The following NCAM2 variants were observed in gnomAD, a reference collection of about 807,000 sequenced individuals.
The protein encoded by NCAM2 is neural cell adhesion molecule 2.
In NCAM2, 30 loss-of-function variants were observed where a neutral mutation model predicts 98.1. The observed-to-expected ratio is 0.31, with a 90% CI of 0.23 to 0.41. NCAM2 has a LOEUF of 0.41. Ranked by LOEUF, NCAM2 falls within the 10% of genes least tolerant of loss-of-function variation. The probability of loss-of-function intolerance (pLI) is 1.00; values close to 1 mark genes in which losing one functional copy is unlikely to be tolerated. For missense variants in NCAM2, 867 were observed against 1,005.8 expected, an observed-to-expected ratio of 0.86 and a Z score of 1.87; for synonymous variants, 368 against 342.4, an observed-to-expected ratio of 1.07 and a Z score of -0.83.
intron 9 of NCAM2, among the ~76,000 whole-genome samples, chr21:21,375,005 G>T (rs232522): frequency 2.0e-5 from 3 of 151,092 alleles, no homozygotes; most frequent in African/African-American, 7.3e-5. Context: ...AAGAAAAAAG[G>T]ACTGTTGTGG....
intron 9 of NCAM2, among the ~76,000 whole-genome samples, chr21:21,376,922 C>T (rs1311218405): frequency 6.6e-6 from 1 of 151,550 alleles, no homozygotes; most frequent in Non-Finnish European, 1.5e-5. Context: ...ATTATTATTG[C>T]CGCCATCTTG....
chr21:21,454,496 G>A (rs1370821970), intron 12 of NCAM2, among the ~76,000 whole-genome samples: 9 of 151,952 alleles, frequency 5.9e-5, no homozygotes, highest in Non-Finnish European at 1.2e-4. Flanking sequence ...ACGAACCTGT[G>A]TCATGCAACT....
At chr21:21,361,688 T>A (rs1380733850) in intron 8 of NCAM2, among the ~76,000 whole-genome samples, 1 of 152,094 alleles carries the variant, frequency 6.6e-6, no homozygotes, top group Non-Finnish European at 1.5e-5. Context: ...CAGTCTTCTA[T>A]GTCCAATGAC....
At chr21:21,450,624 C>T (rs1980893509) in intron 12 of NCAM2, among the ~76,000 whole-genome samples, 1 of 152,024 alleles carries the variant, frequency 6.6e-6, no homozygotes, top group Non-Finnish European at 1.5e-5. Context: ...GCCACTGTGC[C>T]CTGCCTTAGC....
intron 1 of NCAM2, among the ~76,000 whole-genome samples, chr21:21,010,824 G>A (rs1189236333): frequency 1.3e-5 from 2 of 152,036 alleles, no homozygotes; most frequent in African/African-American, 2.4e-5. Flanking sequence ...TTAGAACTCC[G>A]AAACACATTC....
At chr21:21,260,327 T>G (rs987689268) in intron 1 of NCAM2, among the ~76,000 whole-genome samples, 1 of 151,792 alleles carries the variant, frequency 6.6e-6, no homozygotes, top group East Asian at 1.9e-4. Flanking sequence ...GAGATAGATA[T>G]CCAGATACAA....
At chr21:21,410,151 T>A (rs1381727020) in intron 9 of NCAM2, 123 bp from the exon 10 acceptor site, 5 of 568,964 alleles carry the variant, frequency 8.8e-6, no homozygotes, top group South Asian at 5.7e-5. Flanking sequence ...AAAAAAAAAA[T>A]ACACGAAATT....
intron 1 of NCAM2, among the ~76,000 whole-genome samples, chr21:21,278,289 A>G (rs1003553891): frequency 6.6e-6 from 1 of 152,066 alleles, no homozygotes; most frequent in Non-Finnish European, 1.5e-5. Context: ...CAGTAACCCC[A>G]TACATCTCTT....
In NCAM2 at chr21:21,048,716, G is replaced by A. The variant is rs144793497; in HGVS notation, c.55+50098G>A. 4.5e-4 allele frequency among the ~76,000 whole-genome samples: 69 copies of A among 152,294 alleles called. 1 individual carries two copies. Among genetic ancestry groups the A allele is most frequent in the Non-Finnish European group, 8.2e-4 (56 of 68,020 alleles). ...TCCCTAAAATATATACAACCAAGCTGTACTCCAACCACCTGGGGCACATGT... is the reference window on the plus strand; with the variant it reads ...TCCCTAAAATATATACAACCAAGCTATACTCCAACCACCTGGGGCACATGT... On this transcript the variant is annotated intron_variant, in intron 1 of 17. Coordinates refer to ENST00000400546, the MANE Select transcript of NCAM2 (RefSeq NM_004540.5).
intron 4 of NCAM2, among the ~76,000 whole-genome samples, chr21:21,290,323 A>G (rs2073247379): frequency 6.6e-6 from 1 of 151,932 alleles, no homozygotes; most frequent in Non-Finnish European, 1.5e-5. Context: ...TTATTTATTT[A>G]TAATTGCCTC....
intron 10 of NCAM2, among the ~76,000 whole-genome samples, chr21:21,418,067 A>G (rs2077028980): frequency 6.6e-6 from 1 of 151,922 alleles, no homozygotes; most frequent in African/African-American, 2.4e-5. Context: ...TCAAGTTTAC[A>G]CCTACATTGA....
intron 1 of NCAM2, among the ~76,000 whole-genome samples, chr21:21,157,917 C>A (rs1453697769): frequency 6.6e-6 from 1 of 152,102 alleles, no homozygotes; most frequent in African/African-American, 2.4e-5. Flanking sequence ...GCTTCTCATT[C>A]CTCCTAATAC....
chr21:21,132,446 G>GGAAT (rs1414773714), intron 1 of NCAM2, among the ~76,000 whole-genome samples: 1 of 151,150 alleles, frequency 6.6e-6, no homozygotes, highest in African/African-American at 2.4e-5. Flanking sequence ...GATTATAAAG[G>GGAAT]GAATACTTTG....
At chr21:21,289,804 A>G (rs905637570) in intron 4 of NCAM2, among the ~76,000 whole-genome samples, 1 of 151,990 alleles carries the variant, frequency 6.6e-6, no homozygotes, top group Non-Finnish European at 1.5e-5. Flanking sequence ...GATTTAATCA[A>G]TGCAGTGACA....
chr21:21,041,229 T>C (rs902090298), intron 1 of NCAM2, among the ~76,000 whole-genome samples: 2 of 152,154 alleles, frequency 1.3e-5, no homozygotes, highest in Admixed American at 6.5e-5. Context: ...TAAGATCATT[T>C]CTCTGTAAGA....
chr21:21,401,988 G>C (rs2076640657), intron 9 of NCAM2, among the ~76,000 whole-genome samples: 1 of 152,052 alleles, frequency 6.6e-6, no homozygotes, highest in South Asian at 2.1e-4. Flanking sequence ...TCTTAATCCT[G>C]TTATCTTCGT....
chr21:21,509,474 A>G (rs999146020), intron 16 of NCAM2, among the ~76,000 whole-genome samples: 15 of 152,294 alleles, frequency 9.8e-5, no homozygotes, highest in African/African-American at 3.4e-4. Context: ...AATTGTGGCA[A>G]CTTCTACAAA....
rs534611478 is a variant in NCAM2 at position 21,023,754 on chromosome 21, A to G, written c.55+25136A>G. On this transcript the variant is annotated intron_variant, in intron 1 of 17. Transcript: ENST00000400546. Reference sequence around the variant, plus strand: ...ATATATGCATACATGTATGCATATTATAAATATGGATATATTTGTCACAAA... The same window carrying G: ...ATATATGCATACATGTATGCATATTGTAAATATGGATATATTTGTCACAAA... Among the ~76,000 whole-genome samples, 40 of 152,254 alleles carry G rather than the reference A, an allele frequency of 2.6e-4. 1 individual carries two copies. The South Asian group carries it at 8.1e-3, about 31-fold the overall frequency.
At chr21:21,219,147 A>ATGAGATTT (rs1452251316) in intron 1 of NCAM2, among the ~76,000 whole-genome samples, 4 of 152,160 alleles carry the variant, frequency 2.6e-5, no homozygotes, top group Non-Finnish European at 5.9e-5. Flanking sequence ...TTAAAATATT[A>ATGAGATTT]TGAGATTTTT....
Sources: gnomAD v4.1 joint callset for allele counts (sites outside exome capture counted in the v4.1 genomes callset) on GRCh38, gnomAD v4.1.1 for gene constraint, MANE v1.5 for transcripts, NCBI Gene and HGNC (gene_info 2026-07-23, HGNC 2026-07-21) for gene names.